ZFHX3: variants seen among roughly 807,000 people sequenced by gnomAD.
ZFHX3 encodes zinc finger homeobox protein 3.
In ZFHX3, 42 loss-of-function variants were observed where a neutral mutation model predicts 279.1. That is an observed-to-expected ratio of 0.15 (90% CI 0.12 to 0.19). The LOEUF (loss-of-function observed/expected upper bound fraction) is 0.19. Among genes scored for constraint, ZFHX3 ranks in the 10% least tolerant of loss-of-function variants. The pLI, the probability that ZFHX3 is intolerant of heterozygous loss-of-function variation, is 1.00. For missense variants in ZFHX3, 4,981 were observed against 4,754.0 expected (o/e 1.05, Z -1.40); for synonymous variants, 2,293 against 1,957.8 (o/e 1.17, Z -4.52).
At chr16:73,117,536 C>T (rs1966446458) in intron 7 of ZFHX3, among the ~76,000 whole-genome samples, 1 of 152,086 alleles carries the variant, frequency 6.6e-6, no homozygotes, top group Admixed American at 6.6e-5. Flanking sequence ...TGTCTAGAGG[C>T]AAAAATATGA....
At chr16:73,221,933 C>T (rs998890232) in intron 5 of ZFHX3, among the ~76,000 whole-genome samples, 2 of 151,980 alleles carry the variant, frequency 1.3e-5, no homozygotes, top group African/African-American at 4.8e-5. Context: ...TACAGACATA[C>T]CATATTTTAT....
At chr16:73,871,443 C>T (rs1366762910) in intron 1 of ZFHX3, among the ~76,000 whole-genome samples, 1 of 151,500 alleles carries the variant, frequency 6.6e-6, no homozygotes, top group Middle Eastern at 3.2e-3. Flanking sequence ...TGGCTTATTT[C>T]ATGGAATATT....
At chr16:73,765,958 T>A (rs921474339) in intron 1 of ZFHX3, among the ~76,000 whole-genome samples, 5 of 152,186 alleles carry the variant, frequency 3.3e-5, no homozygotes, top group Non-Finnish European at 7.3e-5. Flanking sequence ...TGAGGCTTAC[T>A]CTCAGTTCAT....
chr16:73,317,294 C>A (rs1395632743), intron 4 of ZFHX3, among the ~76,000 whole-genome samples: 1 of 141,490 alleles, frequency 7.1e-6, no homozygotes, highest in Non-Finnish European at 1.5e-5. Flanking sequence ...GTGGGGGTGG[C>A]GGTGGTGGTG....
At chr16:73,056,054 G>C (rs1371041653) in intron 1 of ZFHX3, among the ~76,000 whole-genome samples, 1 of 152,168 alleles carries the variant, frequency 6.6e-6, no homozygotes, top group Non-Finnish European at 1.5e-5. Context: ...TAAAACCCGA[G>C]GAGGGGGAAG....
intron 3 of ZFHX3, among the ~76,000 whole-genome samples, chr16:72,931,441 ACACACACACACACAC>A (rs1307111026): frequency 4.1e-5 from 6 of 146,720 alleles, no homozygotes; most frequent in Non-Finnish European, 9.2e-5. Context: ...ACACACACAC[ACACACACACACACAC>A]TCTTCAGCTT....
chr16:73,573,763 TTC>T (rs975524444), intron 2 of ZFHX3, among the ~76,000 whole-genome samples: 7 of 152,232 alleles, frequency 4.6e-5, no homozygotes, highest in Non-Finnish European at 1.0e-4. Flanking sequence ...TTGTTTCTGT[TTC>T]TGTTATGCCT....
rs112801188 is a variant in ZFHX3 at position 73,711,538 on chromosome 16, C to T, written c.-1607-31298G>A. 1.4e-3 allele frequency among the ~76,000 whole-genome samples: 218 copies of T among 152,144 alleles called. 1 individual carries two copies. Among genetic ancestry groups the T allele is most frequent in the African/African-American group, 4.9e-3 (205 of 41,514 alleles). Reference sequence around the variant, plus strand: ...AGTTGACTCCATATGTTGGAGGTGACAGAGCCAAGGGGTCACCAAGAAGCA... The same window carrying T: ...AGTTGACTCCATATGTTGGAGGTGATAGAGCCAAGGGGTCACCAAGAAGCA... On this transcript the variant is annotated intron_variant, in intron 1 of 17. Coordinates refer to the ZFHX3 transcript ENST00000641206.
intron 5 of ZFHX3, among the ~76,000 whole-genome samples, chr16:73,178,520 C>T (rs2144875623): frequency 6.6e-6 from 1 of 152,322 alleles, no homozygotes; most frequent in South Asian, 2.1e-4. Flanking sequence ...ATTAAATGTG[C>T]CAATTTCTTC....
rs139437833 is a variant in ZFHX3 at position 73,714,780 on chromosome 16, T to C, written c.-1607-34540A>G. On this transcript the variant is annotated intron_variant, in intron 1 of 17. Coordinates refer to the ZFHX3 transcript ENST00000641206. ...CTCCTTTCCAAAACTTTAGTCTTGGTGTAGTCTCCCTTTTGTCTCATCATC... is the reference window on the plus strand; with the variant it reads ...CTCCTTTCCAAAACTTTAGTCTTGGCGTAGTCTCCCTTTTGTCTCATCATC... 1.4e-3 allele frequency among the ~76,000 whole-genome samples: 206 copies of C among 152,326 alleles called. 1 individual carries two copies. Among genetic ancestry groups the C allele is most frequent in the African/African-American group, 4.7e-3 (195 of 41,584 alleles).
intron 2 of ZFHX3, among the ~76,000 whole-genome samples, chr16:73,535,722 C>T (rs201407806): frequency 7.2e-6 from 1 of 139,000 alleles, no homozygotes; most frequent in African/African-American, 2.7e-5. Flanking sequence ...TGCCCCCTAT[C>T]TTTTTTTTTT....
chr16:72,952,717 T>C (rs1961055142), intron 2 of ZFHX3, among the ~76,000 whole-genome samples: 2 of 152,180 alleles, frequency 1.3e-5, no homozygotes, highest in Admixed American at 1.3e-4. Flanking sequence ...TCTTTTTCAG[T>C]CCATCACTGC....
chr16:72,978,829 T>A (rs1048098603), intron 1 of ZFHX3, among the ~76,000 whole-genome samples: 2 of 152,174 alleles, frequency 1.3e-5, no homozygotes, highest in Non-Finnish European at 2.9e-5. Context: ...CTCCAGCCAG[T>A]CATAGAGATG....
At chr16:73,096,145 G>A (rs1354671093) in intron 7 of ZFHX3, among the ~76,000 whole-genome samples, 1 of 152,100 alleles carries the variant, frequency 6.6e-6, no homozygotes, top group East Asian at 1.9e-4. Flanking sequence ...GTCCCCCAGG[G>A]ACCTGGAAAC....
intron 3 of ZFHX3, among the ~76,000 whole-genome samples, chr16:73,340,162 G>A (rs1322762103): frequency 6.6e-6 from 1 of 152,176 alleles, no homozygotes. Context: ...CGGAGAACTA[G>A]GGTCTTAGCA....
At chr16:73,707,573 C>A (rs1597075424) in intron 1 of ZFHX3, among the ~76,000 whole-genome samples, 1 of 123,014 alleles carries the variant, frequency 8.1e-6, no homozygotes, top group East Asian at 2.3e-4. Context: ...GGGAACATCA[C>A]ACACCGGGGA....
intron 3 of ZFHX3, among the ~76,000 whole-genome samples, chr16:73,361,708 G>C (rs1176018316): frequency 1.3e-5 from 2 of 152,106 alleles, no homozygotes; most frequent in Non-Finnish European, 2.9e-5. Flanking sequence ...ATCAAACCAA[G>C]ATTTTTAAAG....
intron 1 of ZFHX3, among the ~76,000 whole-genome samples, chr16:73,738,397 A>G (rs1224630653): frequency 1.3e-5 from 2 of 152,154 alleles, no homozygotes; most frequent in African/African-American, 4.8e-5. Context: ...GAAGCCTGAC[A>G]CTGAAGGATC....
intron 2 of ZFHX3, among the ~76,000 whole-genome samples, chr16:73,459,511 T>C (rs187140840): frequency 3.3e-5 from 5 of 152,144 alleles, no homozygotes; most frequent in African/African-American, 1.2e-4. Flanking sequence ...TACAGGCACA[T>C]GCCAACACAC....
Sources: gnomAD v4.1 joint callset for allele counts (sites outside exome capture counted in the v4.1 genomes callset) on GRCh38, gnomAD v4.1.1 for gene constraint, MANE v1.5 for transcripts, NCBI Gene and HGNC (gene_info 2026-07-23, HGNC 2026-07-21) for gene names.